UNC13C: variants seen among roughly 807,000 people sequenced by gnomAD.
UNC13C encodes the protein unc-13 homolog C.
Under a neutral mutation model 245.4 loss-of-function variants are expected in UNC13C, and 174 were observed. That is an observed-to-expected ratio of 0.71 (90% CI 0.63 to 0.80). The LOEUF (loss-of-function observed/expected upper bound fraction) is 0.80, where lower values mean the gene tolerates loss of function less well. Ranked by LOEUF, UNC13C falls within the 30% of genes least tolerant of loss-of-function variation. The probability of loss-of-function intolerance (pLI) is 0.00; values close to 1 mark genes in which losing one functional copy is unlikely to be tolerated. For synonymous variants in UNC13C, 992 were observed against 895.1 expected (o/e 1.11, Z -1.93); for missense variants, 2,829 against 2,602.9 (o/e 1.09, Z -1.89).
chr15:54,404,115 C>A (rs1031872647), intron 18 of UNC13C, among the ~76,000 whole-genome samples: 5 of 152,158 alleles, frequency 3.3e-5, no homozygotes, highest in African/African-American at 1.2e-4. Context: ...GTAAAAAGGG[C>A]ACAACAAACT....
At chr15:53,940,761 G>A in the UNC13C span, among the ~76,000 whole-genome samples, 7 of 152,074 alleles carry the variant, frequency 4.6e-5, no homozygotes, top group Non-Finnish European at 1.0e-4. Flanking sequence ...AGTTAACAAG[G>A]GAAGTGAAGG....
chr15:54,057,448 C>T (rs1232885249), intron 2 of UNC13C, among the ~76,000 whole-genome samples: 1 of 151,156 alleles, frequency 6.6e-6, no homozygotes, highest in African/African-American at 2.4e-5. Context: ...CAGGAGCACC[C>T]AGATTCATAA....
At chr15:53,875,457 A>G in the UNC13C span, among the ~76,000 whole-genome samples, 2 of 152,138 alleles carry the variant, frequency 1.3e-5, no homozygotes, top group African/African-American at 4.8e-5. Context: ...GACTCTGAAG[A>G]TGCTTGAGTG....
At chr15:53,897,321 T>C in the UNC13C span, among the ~76,000 whole-genome samples, 1 of 152,154 alleles carries the variant, frequency 6.6e-6, no homozygotes, top group Non-Finnish European at 1.5e-5. Flanking sequence ...ATGGTAAAAA[T>C]AGAGATTAAG....
chr15:54,526,781 T>C (rs1020286875), intron 25 of UNC13C, among the ~76,000 whole-genome samples: 27 of 148,938 alleles, frequency 1.8e-4, no homozygotes, highest in Admixed American at 1.5e-3. Flanking sequence ...TCTCTTCAGG[T>C]AGGGACTATC....
intron 16 of UNC13C, among the ~76,000 whole-genome samples, chr15:54,336,594 G>A (rs529935387): frequency 4.0e-4 from 61 of 151,142 alleles, no homozygotes; most frequent in African/African-American, 1.5e-3. Context: ...TTTTATATTT[G>A]GGCATATTTT....
At chr15:54,339,774 G>T (rs1445383904) in intron 17 of UNC13C, among the ~76,000 whole-genome samples, 1 of 151,982 alleles carries the variant, frequency 6.6e-6, no homozygotes, top group African/African-American at 2.4e-5. Context: ...TCTTTTTTGT[G>T]CATGGACTTC....
At chr15:54,559,515 G>T (rs1897218441) in intron 29 of UNC13C, among the ~76,000 whole-genome samples, 1 of 152,024 alleles carries the variant, frequency 6.6e-6, no homozygotes, top group Non-Finnish European at 1.5e-5. Context: ...CATTATTTGA[G>T]AGCTTACTGT....
chr15:54,260,622 C>T (rs748726399), intron 8 of UNC13C, among the ~76,000 whole-genome samples: 50 of 147,560 alleles, frequency 3.4e-4, no homozygotes, highest in Non-Finnish European at 7.0e-4. Context: ...TATGTATATA[C>T]ATACACACAC....
At chr15:54,422,539 A>G (rs574812992) in intron 19 of UNC13C, among the ~76,000 whole-genome samples, 2 of 151,976 alleles carry the variant, frequency 1.3e-5, no homozygotes, top group East Asian at 1.9e-4. Flanking sequence ...CATCTTTCCA[A>G]CTTTACCTCA....
chr15:54,513,073 G>A (rs1367692005), intron 24 of UNC13C, among the ~76,000 whole-genome samples: 2 of 152,100 alleles, frequency 1.3e-5, no homozygotes, highest in Non-Finnish European at 2.9e-5. Context: ...GTGTGTTAAT[G>A]CTTTATGTAA....
At chr15:54,389,430 C>T (rs1170166397) in intron 17 of UNC13C, among the ~76,000 whole-genome samples, 1 of 152,176 alleles carries the variant, frequency 6.6e-6, no homozygotes, top group Non-Finnish European at 1.5e-5. Context: ...GTGAGCTTTC[C>T]CAGTGGGGCT....
chr15:54,030,786 C>G (rs1462198472), intron 2 of UNC13C, among the ~76,000 whole-genome samples: 1 of 152,154 alleles, frequency 6.6e-6, no homozygotes, highest in Non-Finnish European at 1.5e-5. Context: ...GAAAAAAACA[C>G]TGTGTCCTCA....
chr15:54,152,818 G>A (rs1198909501), intron 4 of UNC13C, among the ~76,000 whole-genome samples: 1 of 151,930 alleles, frequency 6.6e-6, no homozygotes, highest in Non-Finnish European at 1.5e-5. Context: ...ATTGATAATG[G>A]CTGTTGGGCA....
At chr15:54,384,583 C>T (rs1396182726) in intron 17 of UNC13C, among the ~76,000 whole-genome samples, 2 of 152,022 alleles carry the variant, frequency 1.3e-5, no homozygotes, top group African/African-American at 2.4e-5. Context: ...GGATATTGGT[C>T]TTCCGAAAAT....
At chr15:54,367,232 G>A (rs1338959308) in intron 17 of UNC13C, among the ~76,000 whole-genome samples, 5 of 152,086 alleles carry the variant, frequency 3.3e-5, no homozygotes, top group Non-Finnish European at 5.9e-5. Flanking sequence ...TTCTTCCCAT[G>A]TATGGCTCAG....
intron 4 of UNC13C, among the ~76,000 whole-genome samples, chr15:54,212,997 T>C (rs1484375285): frequency 2.0e-5 from 3 of 152,060 alleles, no homozygotes; most frequent in Admixed American, 2.0e-4. Flanking sequence ...ATAATGAATC[T>C]ATTTGTTTTT....
intron 13 of UNC13C, chr15:54,320,792 GTTGGCAAAGTA>G: frequency 2.9e-6 from 1 of 349,168 alleles, no homozygotes; most frequent in Non-Finnish European, 5.6e-6. Flanking sequence ...TGGTTTCCTG[GTTGGCAAAGTA>G]TTGGCCTCCA....
the UNC13C span, among the ~76,000 whole-genome samples, chr15:53,918,771 G>A: frequency 6.6e-6 from 1 of 152,206 alleles, no homozygotes; most frequent in South Asian, 2.1e-4. Flanking sequence ...TCCTGGAAGT[G>A]CCTGTCATCA....
Sources: gnomAD v4.1 joint callset for allele counts (sites outside exome capture counted in the v4.1 genomes callset) on GRCh38, gnomAD v4.1.1 for gene constraint, MANE v1.5 for transcripts, NCBI Gene and HGNC (gene_info 2026-07-23, HGNC 2026-07-21) for gene names.